NBEA: variants seen among roughly 807,000 people sequenced by gnomAD.
The protein encoded by NBEA is lysosomal-trafficking regulator 2.
A neutral mutation model predicts 343.4 loss-of-function variants in NBEA; 44 were observed. The ratio of observed to expected loss-of-function variants is 0.13; its 90% CI spans 0.10 to 0.16. The LOEUF is 0.16. Ranked by LOEUF, NBEA falls within the 10% of genes least tolerant of loss-of-function variation. The probability of loss-of-function intolerance (pLI) is 1.00; values close to 1 mark genes in which losing one functional copy is unlikely to be tolerated. For synonymous variants in NBEA, 1,175 were observed against 1,238.7 expected (o/e 0.95, Z 1.08); for missense variants, 2,555 against 3,631.3 (o/e 0.70, Z 7.62).
intron 41 of NBEA, among the ~76,000 whole-genome samples, chr13:35,481,795 T>C (rs1372314209): frequency 6.6e-6 from 1 of 151,890 alleles, no homozygotes; most frequent in African/African-American, 2.4e-5. Flanking sequence ...CTACAACATA[T>C]ACACAAATGT....
intron 8 of NBEA, among the ~76,000 whole-genome samples, chr13:35,066,808 A>G (rs575082763): frequency 7.3e-5 from 11 of 151,496 alleles, no homozygotes; most frequent in African/African-American, 2.4e-4. Flanking sequence ...CTGTCATTTT[A>G]TTTTTTGTTA....
At chr13:35,387,670 C>T (rs750307873) in intron 38 of NBEA, among the ~76,000 whole-genome samples, 8 of 151,938 alleles carry the variant, frequency 5.3e-5, no homozygotes, top group African/African-American at 7.3e-5. Context: ...CCTACATAGC[C>T]GACTTTAAGT....
chr13:35,295,724 G>A (rs1241418210), intron 35 of NBEA, among the ~76,000 whole-genome samples: 1 of 152,060 alleles, frequency 6.6e-6, no homozygotes, highest in Non-Finnish European at 1.5e-5. Context: ...ATATATCTTG[G>A]GGAGAATCAG....
At chr13:35,140,409 A>G (rs2068021813) in intron 17 of NBEA, among the ~76,000 whole-genome samples, 1 of 152,088 alleles carries the variant, frequency 6.6e-6, no homozygotes, top group Non-Finnish European at 1.5e-5. Context: ...CCTGATTGGG[A>G]GCAAAGGAAC....
At chr13:35,459,017 C>CA (rs60310074) in intron 40 of NBEA, among the ~76,000 whole-genome samples, 2,354 of 74,640 alleles carry the variant, frequency 0.032, 60 homozygotes, top group South Asian at 0.038. Context: ...CCCCCCCCCC[C>CA]CACACACACA....
At chr13:35,255,702 T>A (rs1196797874) in intron 34 of NBEA, among the ~76,000 whole-genome samples, 2 of 152,244 alleles carry the variant, frequency 1.3e-5, no homozygotes, top group Non-Finnish European at 2.9e-5. Flanking sequence ...CAGCCCAGGC[T>A]TGGGGAGCCC....
At chr13:35,174,334 G>A (rs1168655652) in intron 27 of NBEA, among the ~76,000 whole-genome samples, 4 of 151,826 alleles carry the variant, frequency 2.6e-5, no homozygotes, top group East Asian at 1.9e-4. Context: ...TGACACCCTC[G>A]CTACCACCCC....
At chr13:35,369,103 G>A (rs1000286508) in intron 38 of NBEA, among the ~76,000 whole-genome samples, 1 of 144,590 alleles carries the variant, frequency 6.9e-6, no homozygotes, top group African/African-American at 2.7e-5. Flanking sequence ...TATATAGTGA[G>A]AGATAGGAGT....
chr13:35,606,701 TA>T (rs2082295720), intron 48 of NBEA, 123 bp downstream of exon 48: 3 of 745,440 alleles, frequency 4.0e-6, no homozygotes, highest in Non-Finnish European at 5.7e-6. Context: ...AATACAAGCT[TA>T]AAATTTTAAA....
intron 35 of NBEA, among the ~76,000 whole-genome samples, chr13:35,303,626 GA>G: frequency 6.6e-6 from 1 of 152,162 alleles, no homozygotes; most frequent in Admixed American, 6.5e-5. Flanking sequence ...CTCTTTTTCT[GA>G]AGAATTAACT....
In NBEA at chr13:35,071,276, G is replaced by C. The variant is rs868625637; in HGVS notation, c.1571+424G>C. Among the ~76,000 whole-genome samples, 3 of 151,706 alleles carry C rather than the reference G, an allele frequency of 2.0e-5. No individual in the cohort carries two copies. The South Asian group carries it at 6.2e-4, about 31-fold the overall frequency. ...TTACATAATTTATATCTTAAAGAAT[G>C]GTATTATTTTATAATGCTTTTGTCA... is the stretch of plus-strand genomic sequence containing the variant. On this transcript the variant is annotated intron_variant, in intron 10 of 58. Coordinates refer to ENST00000379939, the MANE Select transcript of NBEA (RefSeq NM_001385012.1).
chr13:35,395,350 A>T (rs2042694868), intron 38 of NBEA, among the ~76,000 whole-genome samples: 1 of 151,976 alleles, frequency 6.6e-6, no homozygotes, highest in South Asian at 2.1e-4. Flanking sequence ...CTTGTTTAAA[A>T]GTGTATAGCA....
chr13:35,149,895 G>A (rs1321048618), intron 18 of NBEA, among the ~76,000 whole-genome samples: 2 of 152,002 alleles, frequency 1.3e-5, no homozygotes, highest in African/African-American at 4.8e-5. Flanking sequence ...ATTTCTATTA[G>A]TCTTCCTGAA....
intron 45 of NBEA, among the ~76,000 whole-genome samples, chr13:35,571,859 G>A (rs1285124093): frequency 1.3e-5 from 2 of 152,016 alleles, no homozygotes; most frequent in Non-Finnish European, 2.9e-5. Context: ...AACTTTAGGT[G>A]CACATTTATT....
At chr13:35,400,276 C>T (rs1233945245) in intron 38 of NBEA, among the ~76,000 whole-genome samples, 1 of 147,028 alleles carries the variant, frequency 6.8e-6, no homozygotes, top group Non-Finnish European at 1.5e-5. Context: ...TATGGCTATG[C>T]TTAATTTGCC....
intron 34 of NBEA, among the ~76,000 whole-genome samples, chr13:35,260,107 A>T (rs779408541): frequency 7.9e-5 from 12 of 152,236 alleles, no homozygotes; most frequent in Non-Finnish European, 1.8e-4. Context: ...ACGTAAGATC[A>T]TGTCCACACT....
chr13:34,991,957 A>G (rs908221185), intron 1 of NBEA, among the ~76,000 whole-genome samples: 2 of 149,072 alleles, frequency 1.3e-5, no homozygotes, highest in East Asian at 1.9e-4. Context: ...TAAAAAATGT[A>G]CCACTGTCTT....
At chr13:35,476,760 G>A in intron 41 of NBEA, 1 of 1,052,448 alleles carries the variant, frequency 9.5e-7, no homozygotes, top group South Asian at 3.5e-5. Flanking sequence ...ATCGCCACTG[G>A]GCTCGTCACG....
chr13:35,642,020 G>T (rs1364716775), intron 49 of NBEA, among the ~76,000 whole-genome samples: 1 of 152,136 alleles, frequency 6.6e-6, no homozygotes, highest in East Asian at 1.9e-4. Context: ...TATTATTTAA[G>T]TACAAGCAAA....
Sources: allele counts gnomAD v4.1 joint callset (sites outside exome capture counted in the v4.1 genomes callset), GRCh38; gene constraint gnomAD v4.1.1; transcripts MANE v1.5; gene names NCBI Gene and HGNC (gene_info 2026-07-23, HGNC 2026-07-21).